Variants in GRAMD1B observed in about 807,000 individuals in gnomAD.
GRAMD1B encodes the protein GRAM domain containing 1B, also known as protein Aster-B.
GRAMD1B carries 37 observed loss-of-function variants against 99.7 expected under a neutral mutation model. The ratio of observed to expected loss-of-function variants is 0.37; its 90% confidence interval spans 0.29 to 0.49. The LOEUF is 0.49. GRAMD1B is among the 20% of genes least tolerant of loss of function. GRAMD1B has a pLI of 0.98. For missense variants in GRAMD1B, 888 were observed against 1,009.2 expected (o/e 0.88, Z 1.63); for synonymous variants, 427 against 387.6 (o/e 1.10, Z -1.19).
At chr11:123,376,558 T>C (rs1946696770) in intron 1 of GRAMD1B, among the ~76,000 whole-genome samples, 2 of 152,228 alleles carry the variant, frequency 1.3e-5, no homozygotes, top group South Asian at 4.1e-4. Flanking sequence ...TAGCATGGAT[T>C]CAAGAGACTT....
At chr11:123,568,832 AT>A (rs1947721583) in intron 2 of GRAMD1B, among the ~76,000 whole-genome samples, 1 of 152,116 alleles carries the variant, frequency 6.6e-6, no homozygotes, top group African/African-American at 2.4e-5. Flanking sequence ...TCACAGCTTG[AT>A]TTTCTCCCCT....
At chr11:123,590,386 T>C (rs1272136002) in intron 4 of GRAMD1B, among the ~76,000 whole-genome samples, 1 of 152,106 alleles carries the variant, frequency 6.6e-6, no homozygotes, top group Non-Finnish European at 1.5e-5. Flanking sequence ...TCAGATTTCA[T>C]CCTAACAGCA....
intron 2 of GRAMD1B, chr11:123,560,291 CAGAG>C (rs1246810517): frequency 7.0e-6 from 8 of 1,139,170 alleles, no homozygotes; most frequent in Middle Eastern, 8.0e-4. Context: ...GTGAGGGAGT[CAGAG>C]GGAGAGAGAG....
At chr11:123,511,072 A>ACTCTCTCT (rs35053436) in intron 2 of GRAMD1B, among the ~76,000 whole-genome samples, 4,553 of 146,128 alleles carry the variant, frequency 0.031, 217 homozygotes, top group African/African-American at 0.11. Flanking sequence ...CCTCTTTTTC[A>ACTCTCTCT]CTCTCTCTCT....
intron 1 of GRAMD1B, among the ~76,000 whole-genome samples, chr11:123,406,899 T>C (rs745698271): frequency 5.3e-5 from 8 of 152,214 alleles, no homozygotes; most frequent in Non-Finnish European, 1.0e-4. Context: ...TATATATCAA[T>C]GTGCCAGACA....
At chr11:123,513,315 G>A (rs537763177) in intron 2 of GRAMD1B, among the ~76,000 whole-genome samples, 1 of 152,106 alleles carries the variant, frequency 6.6e-6, no homozygotes, top group South Asian at 2.1e-4. Context: ...TTTTACAGGT[G>A]TGACTTCACC....
In GRAMD1B at chr11:123,430,578, G is replaced by A. The variant is rs7105298; in HGVS notation, c.-215G>A. On this transcript the variant is annotated 5_prime_UTR_variant, in exon 1 of 20. Coordinates refer to ENST00000635736, the MANE Select transcript of GRAMD1B (RefSeq NM_001387025.1). ...CCTCGCCGGCGGCTGACGGCCCGGA[G>A]GACGCGCGCTCCGAAAAGTTAGACT... is the stretch of plus-strand genomic sequence containing the variant. 8.8e-6 allele frequency: 4 copies of A among 455,018 alleles called. No homozygotes were observed. Among genetic ancestry groups the A allele is most frequent in the South Asian group, 4.6e-5 (1 of 21,896 alleles). The allele number at this position is 455,018 out of a possible 1,614,324, so 28.2% of individuals were successfully genotyped here. A position where few individuals can be genotyped will look rare whatever the true frequency, so the allele number is the denominator to read the frequency against.
At chr11:123,417,297 T>C (rs1948264450) in intron 1 of GRAMD1B, among the ~76,000 whole-genome samples, 1 of 152,094 alleles carries the variant, frequency 6.6e-6, no homozygotes, top group South Asian at 2.1e-4. Context: ...CACTTTAACC[T>C]GGGAGGCAGA....
chr11:123,445,382 T>C (rs1485380381), intron 1 of GRAMD1B, among the ~76,000 whole-genome samples: 2 of 152,166 alleles, frequency 1.3e-5, no homozygotes, highest in Non-Finnish European at 2.9e-5. Context: ...TTGGATGGAA[T>C]GGCAACCGTA....
intron 2 of GRAMD1B, among the ~76,000 whole-genome samples, chr11:123,564,845 G>A (rs1947171262): frequency 6.6e-6 from 1 of 152,172 alleles, no homozygotes; most frequent in African/African-American, 2.4e-5. Flanking sequence ...AGTGGTCTTT[G>A]CCTCCCAGTG....
At chr11:123,381,795 A>G (rs990251663) in intron 1 of GRAMD1B, among the ~76,000 whole-genome samples, 1 of 152,136 alleles carries the variant, frequency 6.6e-6, no homozygotes, top group African/African-American at 2.4e-5. Context: ...ATTGCAAACT[A>G]CTGATTTGTT....
At chr11:123,527,163 C>T (rs1942865761) in intron 2 of GRAMD1B, among the ~76,000 whole-genome samples, 1 of 152,164 alleles carries the variant, frequency 6.6e-6, no homozygotes, top group African/African-American at 2.4e-5. Flanking sequence ...TTCATTGCGG[C>T]TGGCTGTCCA....
chr11:123,542,308 G>T (rs1013112290), intron 2 of GRAMD1B, among the ~76,000 whole-genome samples: 1 of 152,228 alleles, frequency 6.6e-6, no homozygotes, highest in Non-Finnish European at 1.5e-5. Context: ...CAGGGCCTTG[G>T]CCAGGCAACT....
At chr11:123,423,927 T>G (rs1401584661) in intron 1 of GRAMD1B, among the ~76,000 whole-genome samples, 1 of 152,114 alleles carries the variant, frequency 6.6e-6, no homozygotes, top group Admixed American at 6.5e-5. Flanking sequence ...CCTGGCTTAG[T>G]GTAGCCATGC....
At chr11:123,431,244 G>A in intron 1 of GRAMD1B, 78 bp downstream of exon 1, 1 of 614,322 alleles carries the variant, frequency 1.6e-6, no homozygotes, top group Non-Finnish European at 2.9e-6. Flanking sequence ...GGGCATTCTG[G>A]GGGAAACGTC....
At chr11:123,604,870 T>C (rs1952486073) in intron 9 of GRAMD1B, among the ~76,000 whole-genome samples, 1 of 152,154 alleles carries the variant, frequency 6.6e-6, no homozygotes, top group East Asian at 1.9e-4. Flanking sequence ...AGTTTTCTAG[T>C]TATCATCAAG....
chr11:123,460,425 A>C (rs887605611), intron 1 of GRAMD1B: 1 of 152,092 alleles, frequency 6.6e-6, no homozygotes, highest in Non-Finnish European at 1.5e-5. Flanking sequence ...CCGGGACTGA[A>C]CTTGAAGAGG....
intron 1 of GRAMD1B, among the ~76,000 whole-genome samples, chr11:123,401,252 CCT>C (rs1947649276): frequency 8.3e-6 from 1 of 120,266 alleles, no homozygotes; most frequent in Admixed American, 8.2e-5. Context: ...CTACTTTGCC[CCT>C]CCCTCTGTCC....
chr11:123,427,176 A>T (rs1406184504), upstream of GRAMD1B, among the ~76,000 whole-genome samples: 1 of 152,200 alleles, frequency 6.6e-6, no homozygotes, highest in Non-Finnish European at 1.5e-5. Flanking sequence ...AATCGCTGAG[A>T]TTCTGACGCA....
Sources: allele counts gnomAD v4.1 joint callset (sites outside exome capture counted in the v4.1 genomes callset), GRCh38; gene constraint gnomAD v4.1.1; transcripts MANE v1.5; gene names NCBI Gene and HGNC (gene_info 2026-07-23, HGNC 2026-07-21).